The following DHX40 variants were observed in gnomAD, a reference collection of about 807,000 sequenced individuals.
The protein encoded by DHX40 is DEAH-box helicase 40.
DHX40 carries 28 observed loss-of-function variants against 89.6 expected under a neutral mutation model. That is an observed-to-expected ratio of 0.31 (90% confidence interval 0.23 to 0.43). The LOEUF (loss-of-function observed/expected upper bound fraction) is 0.43, where lower values mean the gene tolerates loss of function less well. Among genes scored for constraint, DHX40 ranks in the 20% least tolerant of loss-of-function variants. The pLI, the probability that DHX40 is intolerant of heterozygous loss-of-function variation, is 1.00. For missense variants in DHX40, 457 were observed against 844.0 expected (o/e 0.54, Z 5.68); for synonymous variants, 226 against 283.6 (o/e 0.80, Z 2.04).
intron 1 of DHX40, 103 bp downstream of exon 1, chr17:59,565,886 G>A: frequency 9.9e-7 from 1 of 1,007,536 alleles, no homozygotes; most frequent in Non-Finnish European, 1.4e-6. Flanking sequence ...GAGTAGTGAG[G>A]AAGCCGTGGC....
chr17:59,574,410 T>A (rs1376811655), intron 6 of DHX40, among the ~76,000 whole-genome samples, 156 bp downstream of exon 6: 2 of 149,568 alleles, frequency 1.3e-5, no homozygotes, highest in African/African-American at 4.9e-5. Context: ...AAAAGATAGA[T>A]AAAAATTGTA....
chr17:59,597,965 C>G (rs2030211518), intron 12 of DHX40, among the ~76,000 whole-genome samples: 1 of 148,760 alleles, frequency 6.7e-6, no homozygotes, highest in Non-Finnish European at 1.5e-5. Context: ...CTCCTGGGCT[C>G]AAGCGATCTT....
chr17:59,586,107 A>T, intron 10 of DHX40, 46 bp from the exon 11 acceptor site: 1 of 1,365,068 alleles, frequency 7.3e-7, no homozygotes, highest in South Asian at 1.3e-5. Flanking sequence ...AAATCCTACC[A>T]TGTTCAAGGA....
intron 3 of DHX40, among the ~76,000 whole-genome samples, chr17:59,572,435 A>G (rs1236014421): frequency 6.6e-6 from 1 of 152,100 alleles, no homozygotes; most frequent in Non-Finnish European, 1.5e-5. Context: ...CTGGAGTGCA[A>G]TGGCGTGATC....
chr17:59,595,456 G>A (rs1035465775), intron 12 of DHX40, among the ~76,000 whole-genome samples: 1 of 151,760 alleles, frequency 6.6e-6, no homozygotes, highest in Non-Finnish European at 1.5e-5. Flanking sequence ...GATGAACTCC[G>A]TAGCCTGGAA....
At position 59,607,186 on chromosome 17, in the gene DHX40, C is replaced by A. The variant is rs1467718381; in HGVS notation, c.*14C>A. The stretch of plus-strand genomic sequence containing the variant: ...GAAACAGGCTAAGGTGGTGAACCCT[C>A]CAATTCAGGAAGTGGGAAAAGGAGC... On this transcript the variant is annotated 3_prime_UTR_variant, in exon 18 of 18. Coordinates refer to ENST00000251241, the MANE Select transcript of DHX40 (RefSeq NM_024612.5). 2.5e-6 allele frequency: 4 copies of A among 1,613,990 alleles called. No individual in the cohort carries two copies. The Admixed American group carries it at 6.7e-5, about 27-fold the overall frequency.
chr17:59,600,359 G>C (rs2030418186), intron 14 of DHX40, among the ~76,000 whole-genome samples: 1 of 151,610 alleles, frequency 6.6e-6, no homozygotes, highest in Middle Eastern at 3.4e-3. Flanking sequence ...TAAAAATTTT[G>C]CTTAACTTTG....
intron 2 of DHX40, among the ~76,000 whole-genome samples, chr17:59,568,198 A>T (rs148653177): frequency 2.7e-3 from 408 of 152,358 alleles, no homozygotes; most frequent in African/African-American, 9.5e-3. Context: ...GTTGCACTCC[A>T]GTCTGGGCAA....
At chr17:59,593,948 A>G (rs2143317982) in intron 12 of DHX40, among the ~76,000 whole-genome samples, 1 of 148,652 alleles carries the variant, frequency 6.7e-6, no homozygotes, top group Admixed American at 6.7e-5. Context: ...GTACCTAGCT[A>G]AGCCTTTTAA....
rs901505352 is a variant in DHX40, at chr17:59,608,252, C to T, written c.*1080C>T. ...GGGCAGGGACTGTGTCTTTTTTCAT[C>T]TTTGTATCTTTCATGCACCTAGCAT... On this transcript the variant is annotated 3_prime_UTR_variant, in exon 18 of 18. Coordinates refer to ENST00000251241, the MANE Select transcript of DHX40 (RefSeq NM_024612.5). The T allele has an allele frequency of 6.5e-6, 1 of 152,684 alleles. No homozygotes were observed. The highest frequency in any genetic ancestry group is 1.5e-5 in the Non-Finnish European group (1 of 68,032). The allele number at this position is 152,684 out of a possible 1,614,324, so 9.5% of individuals were successfully genotyped here.
At chr17:59,594,748 C>T (rs902139699) in intron 12 of DHX40, among the ~76,000 whole-genome samples, 1 of 152,118 alleles carries the variant, frequency 6.6e-6, no homozygotes, top group African/African-American at 2.4e-5. Flanking sequence ...ATGCTTTGAT[C>T]TTCCCTACCG....
At position 59,565,661 on chromosome 17, in the gene DHX40, G is replaced by T. The variant is rs780357291; in HGVS notation, c.-11G>T. The T allele has an allele frequency of 3.8e-6, 6 of 1,597,854 alleles. No individual in the cohort carries two copies. The highest frequency in any genetic ancestry group is 5.1e-6 in the Non-Finnish European group (6 of 1,178,190). Reference sequence around the variant, plus strand: ...CGGTGGACGTGCTCGCCTCCACTCGGGGCCAGGTCTATGTCCCGGTTTCCC... The same window carrying T: ...CGGTGGACGTGCTCGCCTCCACTCGTGGCCAGGTCTATGTCCCGGTTTCCC... On this transcript the variant is annotated 5_prime_UTR_variant, in exon 1 of 18. Transcript: ENST00000251241.
chr17:59,589,020 A>T (rs1413662431), intron 12 of DHX40, among the ~76,000 whole-genome samples: 2 of 152,030 alleles, frequency 1.3e-5, no homozygotes, highest in Non-Finnish European at 2.9e-5. Context: ...TGGGCTCTGT[A>T]TCTTGTTCCA....
At chr17:59,587,800 G>T (rs2049020409) in intron 11 of DHX40, 96 bp from the exon 12 acceptor site, 7 of 1,531,132 alleles carry the variant, frequency 4.6e-6, no homozygotes, top group Non-Finnish European at 6.2e-6. Context: ...GTGATTGGAG[G>T]TAACGTAAAT....
At chr17:59,590,486 G>C (rs2049066459) in intron 12 of DHX40, among the ~76,000 whole-genome samples, 1 of 149,412 alleles carries the variant, frequency 6.7e-6, no homozygotes, top group Admixed American at 6.7e-5. Flanking sequence ...AAATTTTATT[G>C]AGACAAGGTC....
chr17:59,575,914 A>T (rs1430167285), intron 7 of DHX40, among the ~76,000 whole-genome samples: 1 of 149,332 alleles, frequency 6.7e-6, no homozygotes, highest in Admixed American at 6.7e-5. Context: ...TTTGTGATGG[A>T]GTCTCGTTCT....
Position 59,607,005 on chromosome 17 carries a change from T to G in DHX40, c.2201-28T>G, listed in dbSNP as rs755610536. The G allele has an allele frequency of 6.3e-6, 10 of 1,594,524 alleles. No individual in the cohort carries two copies. The African/African-American group carries it at 1.4e-4, about 22-fold the overall frequency. On this transcript the variant is annotated intron_variant, in intron 17 of 17. Transcript: ENST00000251241. ...TAGTACTGAATCTCAAAGCTAAGTT[T>G]TATTGGATTAATTTGTAATGTTTTC...
intron 2 of DHX40, among the ~76,000 whole-genome samples, chr17:59,567,543 A>G (rs530970227): frequency 1.3e-5 from 2 of 152,294 alleles, no homozygotes; most frequent in East Asian, 3.8e-4. Flanking sequence ...CTATACAATC[A>G]GCCTCCTCTG....
chr17:59,570,194 ATATAT>A lies in DHX40; in HGVS notation c.281-319_281-315del, dbSNP rs1359733490. Among the ~76,000 whole-genome samples the A allele has an allele frequency of 3.2e-3, 385 of 118,736 alleles. 3 individuals are homozygous for A. Among genetic ancestry groups the A allele is most frequent in the Middle Eastern group, 3.8e-3 (1 of 260 alleles). The allele number at this position is 118,736 out of a possible 152,430, so 77.9% of individuals were successfully genotyped here. A position where few individuals can be genotyped will look rare whatever the true frequency, so the allele number is the denominator to read the frequency against. On this transcript the variant is annotated intron_variant, in intron 2 of 17. Transcript: ENST00000251241. ...TATATATTAATATATATAATATATA[ATATAT>A]TATAATATATATTATATATTAAATA...
Sources: allele counts gnomAD v4.1 joint callset (sites outside exome capture counted in the v4.1 genomes callset), GRCh38; gene constraint gnomAD v4.1.1; transcripts MANE v1.5; gene names NCBI Gene and HGNC (gene_info 2026-07-23, HGNC 2026-07-21).